The following MEOX2 variants were observed in gnomAD, a reference collection of about 807,000 sequenced individuals.
MEOX2 encodes the protein homeobox protein MOX-2.
MEOX2 carries 11 observed loss-of-function variants against 27.0 expected under a neutral mutation model. That is an observed-to-expected ratio of 0.41 (90% confidence interval 0.26 to 0.68). The LOEUF (loss-of-function observed/expected upper bound fraction) is 0.68. MEOX2 is among the 30% of genes least tolerant of loss of function. MEOX2 has a pLI of 0.33. For missense variants in MEOX2, 436 were observed against 385.4 expected (o/e 1.13, Z -1.10); for synonymous variants, 189 against 155.4 (o/e 1.22, Z -1.61).
At position 15,661,182 on chromosome 7, in the gene MEOX2, C is replaced by T. The variant is rs562055289; in HGVS notation, c.517+24704G>A. Among the ~76,000 whole-genome samples, 19 of 152,102 alleles carry T rather than the reference C, an allele frequency of 1.2e-4. No individual in the cohort carries two copies. In the South Asian group the frequency reaches 3.7e-3, roughly 30 times the overall value. Reference sequence around the variant, plus strand: ...TTGCCCAGAATGTAAAATTGGTAGGCTTTGATAACTAAAAACATAAATAGC... The same window carrying T: ...TTGCCCAGAATGTAAAATTGGTAGGTTTTGATAACTAAAAACATAAATAGC... On this transcript the variant is annotated intron_variant, in intron 1 of 2. Transcript: ENST00000262041.
At chr7:15,649,922 G>A (rs910345409) in intron 1 of MEOX2, among the ~76,000 whole-genome samples, 2 of 152,072 alleles carry the variant, frequency 1.3e-5, no homozygotes, top group Non-Finnish European at 2.9e-5. Flanking sequence ...TCCATATTAA[G>A]CCAACGCTGT....
At chr7:15,667,732 C>G (rs1366461419) in intron 1 of MEOX2, among the ~76,000 whole-genome samples, 2 of 151,936 alleles carry the variant, frequency 1.3e-5, no homozygotes, top group Admixed American at 6.6e-5. Context: ...AATGTGCTTC[C>G]TAAGGTTAAT....
intron 1 of MEOX2, among the ~76,000 whole-genome samples, chr7:15,646,142 C>G (rs554450216): frequency 6.6e-6 from 1 of 152,118 alleles, no homozygotes; most frequent in South Asian, 2.1e-4. Flanking sequence ...GTTCTAGTCC[C>G]TGTTTATTTA....
chr7:15,674,814 C>A (rs1782166383), intron 1 of MEOX2, among the ~76,000 whole-genome samples: 1 of 151,868 alleles, frequency 6.6e-6, no homozygotes, highest in Non-Finnish European at 1.5e-5. Context: ...TGGGTGTGAA[C>A]AGGAGAGGAG....
At chr7:15,661,012 C>CAAAAAAAAAAAAA (rs71004402) in intron 1 of MEOX2, among the ~76,000 whole-genome samples, 1 of 44,340 alleles carries the variant, frequency 2.3e-5, no homozygotes, top group African/African-American at 8.3e-5. Context: ...GACTCAGTCT[C>CAAAAAAAAAAAAA]AAAAAAAAAA....
intron 2 of MEOX2, among the ~76,000 whole-genome samples, chr7:15,614,010 A>G (rs1305444260): frequency 6.6e-6 from 1 of 151,460 alleles, no homozygotes; most frequent in Non-Finnish European, 1.5e-5. Flanking sequence ...TCTTTTGATG[A>G]TTAGAAACTC....
At chr7:15,675,927 G>C (rs551486061) in intron 1 of MEOX2, 1 of 151,986 alleles carries the variant, frequency 6.6e-6, no homozygotes, top group Non-Finnish European at 1.5e-5. Flanking sequence ...CTTGTTTTAG[G>C]GATCAAATTG....
chr7:15,612,266 G>A lies in MEOX2; in HGVS notation c.*121C>T. On this transcript the variant is annotated 3_prime_UTR_variant, in exon 3 of 3. Coordinates refer to ENST00000262041, the MANE Select transcript of MEOX2 (RefSeq NM_005924.5). The stretch of plus-strand genomic sequence containing the variant: ...AAATCATGAAAAACAGATTCGAAAT[G>A]CCTGGATTTAATAATATTAAACATC... The A allele has an allele frequency of 2.5e-6, 2 of 800,870 alleles. No individual in the cohort carries two copies. Among genetic ancestry groups the A allele is most frequent in the Admixed American group, 2.4e-5 (1 of 41,090 alleles). The allele number at this position is 800,870 out of a possible 1,614,324, so 49.6% of individuals were successfully genotyped here.
chr7:15,638,135 C>T (rs1272952499), intron 1 of MEOX2, among the ~76,000 whole-genome samples: 1 of 151,998 alleles, frequency 6.6e-6, no homozygotes, highest in Admixed American at 6.6e-5. Flanking sequence ...TTTTCTAGCT[C>T]TTTCCACCCC....
chr7:15,635,683 A>G (rs992743106), intron 1 of MEOX2, among the ~76,000 whole-genome samples: 2 of 151,714 alleles, frequency 1.3e-5, no homozygotes, highest in Admixed American at 6.6e-5. Flanking sequence ...AAAATGTAGG[A>G]AAATTTTGTT....
At chr7:15,623,167 C>G (rs1242224357) in intron 2 of MEOX2, among the ~76,000 whole-genome samples, 1 of 152,136 alleles carries the variant, frequency 6.6e-6, no homozygotes, top group Non-Finnish European at 1.5e-5. Flanking sequence ...CTGTTAATAA[C>G]TTTAAAACCC....
chr7:15,673,583 A>T (rs1479444200), intron 1 of MEOX2, among the ~76,000 whole-genome samples: 1 of 139,230 alleles, frequency 7.2e-6, no homozygotes, highest in Non-Finnish European at 1.5e-5. Context: ...AGGAATAGAC[A>T]TAAACAAGTC....
intron 1 of MEOX2, among the ~76,000 whole-genome samples, chr7:15,659,233 C>T (rs1299387739): frequency 1.3e-5 from 2 of 152,022 alleles, no homozygotes; most frequent in African/African-American, 4.8e-5. Context: ...TAATATATAA[C>T]TTATTTATAA....
chr7:15,678,508 T>C (rs1474207352), intron 1 of MEOX2, among the ~76,000 whole-genome samples: 1 of 152,214 alleles, frequency 6.6e-6, no homozygotes, highest in East Asian at 1.9e-4. Flanking sequence ...CATTCATTGT[T>C]AATTTGATAA....
At chr7:15,683,436 A>G (rs1183491026) in intron 1 of MEOX2, among the ~76,000 whole-genome samples, 2 of 152,102 alleles carry the variant, frequency 1.3e-5, no homozygotes, top group Non-Finnish European at 2.9e-5. Flanking sequence ...CTTCAATTTT[A>G]TATTTTAGAA....
chr7:15,655,178 T>C (rs1166938050), intron 1 of MEOX2, among the ~76,000 whole-genome samples: 1 of 151,672 alleles, frequency 6.6e-6, no homozygotes, highest in Non-Finnish European at 1.5e-5. Flanking sequence ...GAATTAATCA[T>C]GGTATTTTCT....
At chr7:15,615,502 T>C (rs536797806) in intron 2 of MEOX2, among the ~76,000 whole-genome samples, 6 of 152,182 alleles carry the variant, frequency 3.9e-5, no homozygotes, top group South Asian at 4.1e-4. Context: ...TCCCACTTGA[T>C]ATAATTAGGT....
chr7:15,624,692 T>C (rs943154887), intron 2 of MEOX2, among the ~76,000 whole-genome samples: 13 of 152,138 alleles, frequency 8.5e-5, no homozygotes, highest in African/African-American at 3.1e-4. Flanking sequence ...GCCAGCAGTA[T>C]TACTGTCCAA....
At chr7:15,626,088 T>G (rs917226753) in intron 2 of MEOX2, among the ~76,000 whole-genome samples, 21 of 152,086 alleles carry the variant, frequency 1.4e-4, no homozygotes, top group African/African-American at 4.8e-4. Flanking sequence ...CATTTGACTA[T>G]TCTAGACATT....
Sources: gnomAD v4.1 joint callset for allele counts (sites outside exome capture counted in the v4.1 genomes callset) on GRCh38, gnomAD v4.1.1 for gene constraint, MANE v1.5 for transcripts, NCBI Gene and HGNC (gene_info 2026-07-23, HGNC 2026-07-21) for gene names.